The following COL6A6 variants were observed in gnomAD, a reference collection of about 807,000 sequenced individuals.
COL6A6 encodes the protein collagen alpha-6(VI) chain.
COL6A6 carries 183 observed loss-of-function variants against 208.6 expected under a neutral mutation model. The observed-to-expected ratio is 0.88, with a 90% CI of 0.78 to 0.99. The LOEUF (loss-of-function observed/expected upper bound fraction) is 0.99, where lower values mean the gene tolerates loss of function less well. Among genes scored for constraint, COL6A6 ranks in the 50% least tolerant of loss-of-function variants. The pLI is 0.00. For synonymous variants in COL6A6, 973 were observed against 1,011.8 expected, an observed-to-expected ratio of 0.96 and a Z score of 0.73; for missense variants, 2,816 against 2,815.2, an observed-to-expected ratio of 1.00 and a Z score of -0.01.
chr3:130,643,290 C>G (rs771680310), intron 31 of COL6A6, among the ~76,000 whole-genome samples: 2 of 152,110 alleles, frequency 1.3e-5, no homozygotes, highest in Non-Finnish European at 2.9e-5. Context: ...CTGAATTCAC[C>G]TAATAGTGAA....
chr3:130,559,023 A>G (rs1399015941), intron 1 of COL6A6, among the ~76,000 whole-genome samples: 1 of 152,214 alleles, frequency 6.6e-6, no homozygotes, highest in African/African-American at 2.4e-5. Context: ...CAAAATAAGA[A>G]CAAGAATAGT....
In COL6A6 at chr3:130,675,383, AAAC is replaced by A. The variant is rs1382850635; in HGVS notation, c.6783_6785del (p.Gln2261del). On this transcript the variant is annotated inframe_deletion, in exon 37 of 37. Coordinates refer to ENST00000358511, the MANE Select transcript of COL6A6 (RefSeq NM_001102608.3). ...TGGAAGGATGATAGAAAGTGCTCCCAAACAACATGATTAAAAAAATGCTTGAAC... is the reference window on the plus strand; with the variant it reads ...TGGAAGGATGATAGAAAGTGCTCCCAAACATGATTAAAAAAATGCTTGAAC... The A allele has an allele frequency of 6.3e-7, 1 of 1,580,470 alleles. No homozygotes were observed. The highest frequency in any genetic ancestry group is 8.6e-7 in the Non-Finnish European group (1 of 1,164,578).
At chr3:130,599,059 C>T (rs1049084385) in intron 19 of COL6A6, among the ~76,000 whole-genome samples, 25 of 152,154 alleles carry the variant, frequency 1.6e-4, no homozygotes, top group Non-Finnish European at 1.6e-4. Flanking sequence ...TCTCATGCTC[C>T]GTTGCTTACC....
intron 10 of COL6A6, 49 bp downstream of exon 10, chr3:130,582,117 C>A: frequency 8.6e-7 from 1 of 1,159,626 alleles, no homozygotes; most frequent in Non-Finnish European, 1.2e-6. Context: ...ACTTTATAAT[C>A]TCAGAACTAA....
At chr3:130,625,375 C>G (rs1333410743) in intron 24 of COL6A6, among the ~76,000 whole-genome samples, 1 of 152,134 alleles carries the variant, frequency 6.6e-6, no homozygotes, top group Non-Finnish European at 1.5e-5. Context: ...CCAAAGAGTA[C>G]AGTAGAGAAG....
At chr3:130,575,210 T>A (rs962989197) in intron 8 of COL6A6, among the ~76,000 whole-genome samples, 14 of 152,196 alleles carry the variant, frequency 9.2e-5, no homozygotes, top group African/African-American at 3.1e-4. Context: ...TGACAGCAGA[T>A]CCCTGCTCTA....
chr3:130,582,762 C>G (rs112885733), intron 10 of COL6A6, among the ~76,000 whole-genome samples: 1 of 152,144 alleles, frequency 6.6e-6, no homozygotes. Flanking sequence ...TTCACCTATC[C>G]TCTAGCTGCT....
At chr3:130,672,829 T>G (rs1397708948) in intron 36 of COL6A6, among the ~76,000 whole-genome samples, 1 of 150,908 alleles carries the variant, frequency 6.6e-6, no homozygotes, top group African/African-American at 2.4e-5. Context: ...GCCAACATGG[T>G]GAAACCCCAT....
In COL6A6 at chr3:130,567,083, A is replaced by G; in HGVS notation, c.1664A>G (p.Glu555Gly). Residue 555 changes from glutamate to glycine, a missense_variant, in exon 5 of 37, where the codon GAG becomes GGG. Transcript: ENST00000358511. The stretch of plus-strand genomic sequence containing the variant: ...GGCATGTCCAAGGATAGCATCTTGG[A>G]GCCTGCAAACAGACTGAGAGAAGAG... ...TNGMSKDSILEPANRLREEHI... is the reference protein window; with the variant it reads ...TNGMSKDSILGPANRLREEHI... The G allele has an allele frequency of 6.2e-7, 1 of 1,614,038 alleles. No individual in the cohort carries two copies. The highest frequency in any genetic ancestry group is 8.5e-7 in the Non-Finnish European group (1 of 1,179,894).
chr3:130,559,173 T>G (rs1355533764), intron 1 of COL6A6, among the ~76,000 whole-genome samples: 1 of 152,234 alleles, frequency 6.6e-6, no homozygotes, highest in Admixed American at 6.5e-5. Flanking sequence ...TAATAAAAAT[T>G]GTACAGATGG....
At chr3:130,621,300 A>G (rs1428394645) in intron 23 of COL6A6, among the ~76,000 whole-genome samples, 1 of 152,212 alleles carries the variant, frequency 6.6e-6, no homozygotes, top group East Asian at 1.9e-4. Flanking sequence ...TCACTAGGAA[A>G]GAGAAAATTA....
rs57562644 is a variant in COL6A6 at position 130,612,015 on chromosome 3, T to C, written c.4815+1304T>C. 6.8e-3 allele frequency among the ~76,000 whole-genome samples: 1,040 copies of C among 152,316 alleles called. 8 individuals carry two copies. Among genetic ancestry groups the C allele is most frequent in the African/African-American group, 0.024 (982 of 41,562 alleles). On this transcript the variant is annotated intron_variant, in intron 23 of 36. Transcript: ENST00000358511. ...GTTCTTGTTGTTTGGCTCCCACTTA[T>C]AAGTGAGAACATGTGGTATTTGTTT...
At chr3:130,653,803 T>C (rs2065711285) in intron 33 of COL6A6, among the ~76,000 whole-genome samples, 1 of 152,008 alleles carries the variant, frequency 6.6e-6, no homozygotes, top group East Asian at 1.9e-4. Flanking sequence ...AAAGATTACT[T>C]GGTCAAGGGG....
chr3:130,644,178 T>A (rs1315468309), intron 31 of COL6A6, among the ~76,000 whole-genome samples: 11 of 152,206 alleles, frequency 7.2e-5, no homozygotes, highest in African/African-American at 2.7e-4. Flanking sequence ...CATATTTTAT[T>A]TTATAAGAGT....
chr3:130,605,242 G>T (rs1305539330), intron 20 of COL6A6, among the ~76,000 whole-genome samples: 1 of 152,040 alleles, frequency 6.6e-6, no homozygotes, highest in Non-Finnish European at 1.5e-5. Flanking sequence ...GGATATGATT[G>T]CTTTCTTTAA....
At chr3:130,539,620 G>A (rs1216508064) in intron 1 of COL6A6, among the ~76,000 whole-genome samples, 3 of 138,782 alleles carry the variant, frequency 2.2e-5, no homozygotes, top group Non-Finnish European at 4.8e-5. Flanking sequence ...ACAACAGAGC[G>A]AGACTCCGTC....
Position 130,565,097 on chromosome 3 carries a change from T to C in COL6A6, c.765T>C (p.Ser255=), listed in dbSNP as rs779774702. The C allele has an allele frequency of 6.2e-7, 1 of 1,613,978 alleles. No individual in the cohort carries two copies. The highest frequency in any genetic ancestry group is 8.5e-7 in the Non-Finnish European group (1 of 1,179,878). ...ATCTTAAAGGATTCTTGGAAGAAAG[T>C]GTATCTGCCCTTGACATAAAGGAAA... is the stretch of plus-strand genomic sequence containing the variant. The part of the protein sequence containing the change: ...FDYLKGFLEE[S]VSALDIKENC... Residue 255 remains serine (S), a synonymous_variant, in exon 4 of 37, where the codon AGT becomes AGC. Transcript: ENST00000358511.
chr3:130,529,791 C>A (rs2062041164), intron 1 of COL6A6, among the ~76,000 whole-genome samples: 1 of 152,116 alleles, frequency 6.6e-6, no homozygotes, highest in Non-Finnish European at 1.5e-5. Context: ...AACCTCCTGG[C>A]CCTGGAAAAG....
rs576534358 is a variant in COL6A6, at chr3:130,532,321, A to G, written c.-32+14924A>G. 1.5e-4 allele frequency among the ~76,000 whole-genome samples: 23 copies of G among 152,228 alleles called. No individual in the cohort carries two copies. In the Middle Eastern group the frequency reaches 0.014, roughly 90 times the overall value. On this transcript the variant is annotated intron_variant, in intron 1 of 36. Transcript: ENST00000358511. ...ATTAAAGCAGCCACTTTACAGAAAA[A>G]TAGTTTCTGTACCCCCCCATCCCAC... is the stretch of plus-strand genomic sequence containing the variant.
Sources: allele counts gnomAD v4.1 joint callset (sites outside exome capture counted in the v4.1 genomes callset), GRCh38; gene constraint gnomAD v4.1.1; transcripts MANE v1.5; gene names NCBI Gene and HGNC (gene_info 2026-07-23, HGNC 2026-07-21).